Variants in CELF2 observed in about 807,000 individuals in gnomAD.
CELF2 encodes the protein CUGBP Elav-like family member 2.
CELF2 carries 8 observed loss-of-function variants against 62.6 expected under a neutral mutation model. The ratio of observed to expected loss-of-function variants is 0.13; its 90% CI spans 0.07 to 0.23. The LOEUF (loss-of-function observed/expected upper bound fraction) is 0.23. CELF2 is among the 10% of genes least tolerant of loss of function. The pLI is 1.00. For missense variants in CELF2, 333 were observed against 671.0 expected, an observed-to-expected ratio of 0.50 and a Z score of 5.56; for synonymous variants, 258 against 250.0, an observed-to-expected ratio of 1.03 and a Z score of -0.30.
chr10:11,078,698 T>C (rs2141279362), intron 1 of CELF2, among the ~76,000 whole-genome samples: 1 of 152,354 alleles, frequency 6.6e-6, no homozygotes, highest in East Asian at 1.9e-4. Flanking sequence ...CGGTTCTTTC[T>C]CTTCATGCAC....
At chr10:10,573,174 C>G in the CELF2 span, among the ~76,000 whole-genome samples, 5 of 152,236 alleles carry the variant, frequency 3.3e-5, no homozygotes, top group Middle Eastern at 3.4e-3. Flanking sequence ...GGTTCATGTC[C>G]TTTGCCCACT....
the CELF2 span, among the ~76,000 whole-genome samples, chr10:10,743,920 G>C: frequency 6.8e-6 from 1 of 147,968 alleles, no homozygotes; most frequent in East Asian, 2.0e-4. Flanking sequence ...TCCAGCAGCA[G>C]CCATGCTCAT....
intron 2 of CELF2, among the ~76,000 whole-genome samples, chr10:11,192,284 G>A (rs1379284486): frequency 6.6e-6 from 1 of 152,260 alleles, no homozygotes; most frequent in Non-Finnish European, 1.5e-5. Context: ...GCTGGAGGGA[G>A]GCAGTGCTGT....
chr10:10,583,149 G>A, the CELF2 span, among the ~76,000 whole-genome samples: 1 of 152,136 alleles, frequency 6.6e-6, no homozygotes, highest in African/African-American at 2.4e-5. Context: ...ATGTGAAAGA[G>A]GATTATGATT....
chr10:11,259,648 T>G (rs1488329835), intron 5 of CELF2, among the ~76,000 whole-genome samples: 2 of 152,194 alleles, frequency 1.3e-5, no homozygotes, highest in African/African-American at 2.4e-5. Flanking sequence ...CATCCATCGC[T>G]GTGGCAGACT....
chr10:10,488,431 G>A, the CELF2 span, among the ~76,000 whole-genome samples: 22 of 152,112 alleles, frequency 1.4e-4, no homozygotes, highest in Admixed American at 1.3e-3. Context: ...TGTGTTCATG[G>A]ACAGAAGAGG....
intron 3 of CELF2, among the ~76,000 whole-genome samples, chr10:11,234,499 G>A (rs574602082): frequency 3.9e-5 from 6 of 152,150 alleles, no homozygotes; most frequent in East Asian, 1.9e-4. Flanking sequence ...TAGCTAACAC[G>A]GTGAAACCCC....
intron 5 of CELF2, among the ~76,000 whole-genome samples, chr10:11,264,680 A>G (rs1168491978): frequency 6.6e-6 from 1 of 152,260 alleles, no homozygotes; most frequent in Non-Finnish European, 1.5e-5. Context: ...AGAGCTCAGC[A>G]TCAGTATGGA....
At chr10:11,052,705 C>T (rs544105601) in intron 1 of CELF2, among the ~76,000 whole-genome samples, 3 of 152,132 alleles carry the variant, frequency 2.0e-5, no homozygotes, top group Admixed American at 6.6e-5. Context: ...TCCTTTACAA[C>T]GAAAGGTCTT....
the CELF2 span, among the ~76,000 whole-genome samples, chr10:10,666,032 A>G: frequency 2.0e-5 from 3 of 152,314 alleles, no homozygotes; most frequent in Non-Finnish European, 4.4e-5. Context: ...CCGCTTGCAA[A>G]GCAGAGAAAA....
intron 1 of CELF2, among the ~76,000 whole-genome samples, chr10:11,114,319 A>G (rs1042084029): frequency 3.3e-5 from 5 of 152,238 alleles, no homozygotes; most frequent in Admixed American, 1.3e-4. Flanking sequence ...TAATAGGTCA[A>G]TAGTATTTAT....
the CELF2 span, among the ~76,000 whole-genome samples, chr10:10,541,894 C>T: frequency 7.2e-5 from 11 of 152,208 alleles, no homozygotes; most frequent in Admixed American, 1.3e-4. Context: ...CTTGACCCAA[C>T]TCCTATTCAA....
the CELF2 span, among the ~76,000 whole-genome samples, chr10:10,672,128 T>C: frequency 6.6e-6 from 1 of 152,348 alleles, no homozygotes; most frequent in Non-Finnish European, 1.5e-5. Flanking sequence ...GTTCTTTATA[T>C]ATTTTATATA....
intron 1 of CELF2, among the ~76,000 whole-genome samples, chr10:10,853,739 G>T (rs527988762): frequency 6.6e-6 from 1 of 152,022 alleles, no homozygotes; most frequent in Non-Finnish European, 1.5e-5. Context: ...GGTTCTCCTC[G>T]GCATGAGGCA....
chr10:11,087,663 A>G (rs963209987), intron 1 of CELF2, among the ~76,000 whole-genome samples: 1 of 152,226 alleles, frequency 6.6e-6, no homozygotes, highest in African/African-American at 2.4e-5. Context: ...GTCAGTAGGA[A>G]TAATCAGCCT....
chr10:10,513,877 T>TCTCCCTAAGCAAAGCCTAGGTCC, the CELF2 span, among the ~76,000 whole-genome samples: 1 of 152,024 alleles, frequency 6.6e-6, no homozygotes, highest in Non-Finnish European at 1.5e-5. Flanking sequence ...AGCCTAGGTT[T>TCTCCCTAAGCAAAGCCTAGGTCC]CTCCCTAAGC....
rs999351025 is a variant in CELF2, at chr10:10,826,575, A to G, written c.53+27758A>G. 3.3e-5 allele frequency among the ~76,000 whole-genome samples: 5 copies of G among 152,186 alleles called. No homozygotes were observed. The South Asian group carries it at 8.3e-4, about 25-fold the overall frequency. On this transcript the variant is annotated intron_variant, in intron 1 of 13. Transcript: ENST00000636488. ...GGGAATCCTGTATTTTTGTCTGACA[A>G]TCCTGTCTATGACAGAACCCAGTGA...
At chr10:11,212,075 A>G (rs756555954) in intron 2 of CELF2, among the ~76,000 whole-genome samples, 1 of 152,154 alleles carries the variant, frequency 6.6e-6, no homozygotes, top group African/African-American at 2.4e-5. Context: ...CTGATCCATG[A>G]TGGCATAATC....
intron 1 of CELF2, among the ~76,000 whole-genome samples, chr10:10,890,314 T>C (rs2062041484): frequency 6.6e-6 from 1 of 152,070 alleles, no homozygotes; most frequent in Non-Finnish European, 1.5e-5. Flanking sequence ...GACAGTAAAG[T>C]AGAAAGGAAG....
Sources: allele counts gnomAD v4.1 joint callset (sites outside exome capture counted in the v4.1 genomes callset), GRCh38; gene constraint gnomAD v4.1.1; transcripts MANE v1.5; gene names NCBI Gene and HGNC (gene_info 2026-07-23, HGNC 2026-07-21).